The following CADPS2 variants were observed in gnomAD, a reference collection of about 807,000 sequenced individuals.
CADPS2 encodes calcium-dependent secretion activator 2.
CADPS2 carries 93 observed loss-of-function variants against 172.5 expected under a neutral mutation model. That is an observed-to-expected ratio of 0.54 (90% CI 0.46 to 0.64). The LOEUF (loss-of-function observed/expected upper bound fraction) is 0.64, where lower values mean the gene tolerates loss of function less well. Among genes scored for constraint, CADPS2 ranks in the 30% least tolerant of loss-of-function variants. The probability of loss-of-function intolerance (pLI) is 0.00; values close to 1 mark genes in which losing one functional copy is unlikely to be tolerated. For synonymous variants in CADPS2, 546 were observed against 555.2 expected (o/e 0.98, Z 0.23); for missense variants, 1,420 against 1,565.9 (o/e 0.91, Z 1.57).
At chr7:122,809,091 C>A (rs1217285045) in intron 1 of CADPS2, among the ~76,000 whole-genome samples, 1 of 152,134 alleles carries the variant, frequency 6.6e-6, no homozygotes, top group Non-Finnish European at 1.5e-5. Flanking sequence ...CATTATGCTT[C>A]ATATCTGCTT....
intron 1 of CADPS2, among the ~76,000 whole-genome samples, chr7:122,750,399 A>G (rs1434960520): frequency 1.3e-5 from 2 of 152,156 alleles, no homozygotes; most frequent in African/African-American, 4.8e-5. Context: ...TGGGCAACCT[A>G]TATTTGCATT....
chr7:122,698,598 C>G (rs2085519677), intron 2 of CADPS2: 2 of 1,613,976 alleles, frequency 1.2e-6, no homozygotes, highest in African/African-American at 1.3e-5. Context: ...TACAACCTCC[C>G]CGTTCAATAA....
intron 2 of CADPS2, among the ~76,000 whole-genome samples, chr7:122,672,844 TG>T (rs1029995730): frequency 4.3e-4 from 65 of 152,346 alleles, no homozygotes; most frequent in African/African-American, 1.5e-3. Context: ...TGTCCGGAAT[TG>T]GTGGGTTCTT....
At chr7:122,392,354 T>C (rs547114437) in intron 22 of CADPS2, among the ~76,000 whole-genome samples, 1 of 152,096 alleles carries the variant, frequency 6.6e-6, no homozygotes, top group African/African-American at 2.4e-5. Flanking sequence ...ATAGTACTAA[T>C]AATTTACTGA....
intron 2 of CADPS2, among the ~76,000 whole-genome samples, chr7:122,728,138 A>G (rs1054184483): frequency 1.3e-5 from 2 of 152,054 alleles, no homozygotes; most frequent in East Asian, 1.9e-4. Context: ...AAATTTTTCT[A>G]TTCCAAAGTA....
intron 9 of CADPS2, among the ~76,000 whole-genome samples, chr7:122,508,179 C>A (rs1037575488): frequency 1.3e-5 from 2 of 151,234 alleles, no homozygotes; most frequent in East Asian, 3.9e-4. Flanking sequence ...GAACAATTTT[C>A]AAAAAAAATT....
intron 14 of CADPS2, among the ~76,000 whole-genome samples, chr7:122,464,194 T>C (rs1423084200): frequency 6.6e-6 from 1 of 152,082 alleles, no homozygotes; most frequent in African/African-American, 2.4e-5. Flanking sequence ...TGCCAGAAAC[T>C]AAGAAAGTGC....
At chr7:122,802,448 G>T (rs1797862384) in intron 1 of CADPS2, among the ~76,000 whole-genome samples, 2 of 152,062 alleles carry the variant, frequency 1.3e-5, no homozygotes, top group Admixed American at 1.3e-4. Flanking sequence ...TTGGATCTCA[G>T]CCCCCAAAAA....
chr7:122,663,806 G>A (rs2135391306), intron 2 of CADPS2, among the ~76,000 whole-genome samples: 1 of 152,272 alleles, frequency 6.6e-6, no homozygotes, highest in South Asian at 2.1e-4. Flanking sequence ...ATACCAGTAA[G>A]ATGGTTTACT....
At chr7:122,579,523 T>G (rs530755860) in intron 7 of CADPS2, among the ~76,000 whole-genome samples, 1 of 149,064 alleles carries the variant, frequency 6.7e-6, no homozygotes, top group African/African-American at 2.5e-5. Flanking sequence ...ACTATATTAT[T>G]TGACCAGCTG....
intron 12 of CADPS2, among the ~76,000 whole-genome samples, chr7:122,477,954 T>C (rs1357498514): frequency 1.3e-5 from 2 of 152,206 alleles, no homozygotes; most frequent in African/African-American, 2.4e-5. Context: ...CATCTTTCAC[T>C]TTAAAGTTAT....
intron 25 of CADPS2, chr7:122,366,687 A>ACG (rs1235914405): frequency 2.7e-4 from 39 of 142,520 alleles, no homozygotes; most frequent in African/African-American, 1.0e-3. Context: ...ATATATACGT[A>ACG]TATATATATA....
intron 2 of CADPS2, among the ~76,000 whole-genome samples, chr7:122,710,677 T>C (rs1312840471): frequency 6.6e-6 from 1 of 152,146 alleles, no homozygotes; most frequent in East Asian, 1.9e-4. Flanking sequence ...TTCCAGCTAA[T>C]AAAATTCCCA....
chr7:122,400,300 G>T (rs541143652), intron 20 of CADPS2, among the ~76,000 whole-genome samples: 8 of 151,856 alleles, frequency 5.3e-5, no homozygotes, highest in African/African-American at 1.4e-4. Flanking sequence ...AGCTGGGTGT[G>T]GTGGTGCATG....
intron 7 of CADPS2, among the ~76,000 whole-genome samples, chr7:122,569,436 C>T (rs1342047321): frequency 2.7e-5 from 4 of 150,860 alleles, no homozygotes; most frequent in South Asian, 2.1e-4. Context: ...GAATCAATAC[C>T]GTGAAAATGG....
intron 27 of CADPS2, among the ~76,000 whole-genome samples, chr7:122,348,892 A>G (rs533121972): frequency 6.6e-6 from 1 of 152,280 alleles, no homozygotes; most frequent in Non-Finnish European, 1.5e-5. Flanking sequence ...GTTTCTACAT[A>G]CAGTACAAAT....
intron 2 of CADPS2, among the ~76,000 whole-genome samples, chr7:122,707,639 GT>G (rs1032293790): frequency 3.3e-5 from 5 of 151,292 alleles, no homozygotes; most frequent in Non-Finnish European, 5.9e-5. Context: ...AACTATGTAT[GT>G]TTTTTTTGCA....
chr7:122,386,526 A>G, intron 24 of CADPS2, among the ~76,000 whole-genome samples: 1 of 152,056 alleles, frequency 6.6e-6, no homozygotes, highest in East Asian at 1.9e-4. Context: ...ATAAAACCAA[A>G]CAAAATATAA....
At chr7:122,803,054 T>G (rs888485495) in intron 1 of CADPS2, among the ~76,000 whole-genome samples, 3 of 152,104 alleles carry the variant, frequency 2.0e-5, no homozygotes, top group African/African-American at 7.2e-5. Flanking sequence ...TCAATATAGG[T>G]TTGTTATTGT....
Sources: allele counts gnomAD v4.1 joint callset (sites outside exome capture counted in the v4.1 genomes callset), GRCh38; gene constraint gnomAD v4.1.1; transcripts MANE v1.5; gene names NCBI Gene and HGNC (gene_info 2026-07-23, HGNC 2026-07-21).